Variants in ADAMTSL1 observed in about 807,000 individuals in gnomAD.
The protein encoded by ADAMTSL1 is ADAMTS like 1.
In ADAMTSL1, 126 loss-of-function variants were observed where a neutral mutation model predicts 201.8. The observed-to-expected ratio is 0.62, with a 90% CI of 0.54 to 0.72. The LOEUF is 0.72. ADAMTSL1 is among the 30% of genes least tolerant of loss of function. The pLI, the probability that ADAMTSL1 is intolerant of heterozygous loss-of-function variation, is 0.00. For synonymous variants in ADAMTSL1, 1,121 were observed against 903.4 expected, an observed-to-expected ratio of 1.24 and a Z score of -4.32; for missense variants, 2,679 against 2,277.8, an observed-to-expected ratio of 1.18 and a Z score of -3.59.
In ADAMTSL1 at chr9:18,661,959, G is replaced by C; in HGVS notation, c.971G>C (p.Cys324Ser). The change falls in exon 9 of 29, where the codon TGC (cysteine) becomes TCC (serine). Residue 324 changes from cysteine to serine, a missense_variant. Transcript: ENST00000380548. ...GGGYQLTSAE[C>S]YDLRSNRVVA... is the part of the protein sequence containing the mutation. ...GGTTATCAGCTGACATCGGCTGAGT[G>C]CTACGATCTGAGGAGCAACCGTGTG... 1 of 1,613,918 alleles carries C rather than the reference G, an allele frequency of 6.2e-7. No individual in the cohort carries two copies. Among genetic ancestry groups the C allele is most frequent in the Non-Finnish European group, 8.5e-7 (1 of 1,179,880 alleles).
chr9:17,976,699 G>C (rs955006511), intron 1 of ADAMTSL1, among the ~76,000 whole-genome samples: 1 of 146,800 alleles, frequency 6.8e-6, no homozygotes, highest in Non-Finnish European at 1.5e-5. Flanking sequence ...TCTTGCTCTC[G>C]CTCTCTCTCT....
chr9:18,721,724 T>C, intron 15 of ADAMTSL1, 59 bp downstream of exon 15: 1 of 1,575,136 alleles, frequency 6.3e-7, no homozygotes, highest in Non-Finnish European at 8.6e-7. Flanking sequence ...GGGCGCATCT[T>C]TCAGTGGGCA....
At chr9:18,876,329 T>TGTGTGTGTGTGTGCGC (rs901063156) in intron 23 of ADAMTSL1, among the ~76,000 whole-genome samples, 1 of 151,128 alleles carries the variant, frequency 6.6e-6, no homozygotes, top group African/African-American at 2.4e-5. Context: ...TGTGTGTGTG[T>TGTGTGTGTGTGTGCGC]GCGTGATTGT....
chr9:18,729,414 G>T (rs530957239), intron 15 of ADAMTSL1, among the ~76,000 whole-genome samples: 1 of 152,150 alleles, frequency 6.6e-6, no homozygotes, highest in Non-Finnish European at 1.5e-5. Context: ...AAAGAGCCAC[G>T]AGAAGTCTGC....
intron 1 of ADAMTSL1, among the ~76,000 whole-genome samples, chr9:17,954,073 A>ATC (rs58606848): frequency 0.071 from 10,770 of 152,212 alleles, 484 homozygotes; most frequent in African/African-American, 0.1. Context: ...GGCTGAGGCA[A>ATC]TCTCTGTCTC....
At chr9:17,951,311 T>A (rs181780760) in intron 1 of ADAMTSL1, among the ~76,000 whole-genome samples, 236 of 152,290 alleles carry the variant, frequency 1.5e-3, no homozygotes, top group African/African-American at 5.5e-3. Flanking sequence ...TGAATCCACA[T>A]GAGTCTGCCC....
intron 4 of ADAMTSL1, among the ~76,000 whole-genome samples, chr9:18,621,518 G>A (rs1826029324): frequency 6.7e-6 from 1 of 148,690 alleles, no homozygotes; most frequent in Non-Finnish European, 1.5e-5. Flanking sequence ...GGTCTTAGTG[G>A]TATTCATCCC....
chr9:18,000,090 C>A (rs1819551560), intron 1 of ADAMTSL1, among the ~76,000 whole-genome samples: 1 of 150,290 alleles, frequency 6.7e-6, no homozygotes, highest in Admixed American at 6.7e-5. Flanking sequence ...TTTATAGCAG[C>A]ATGATTTATA....
chr9:17,926,647 C>G (rs1196503527), intron 1 of ADAMTSL1, among the ~76,000 whole-genome samples: 1 of 152,214 alleles, frequency 6.6e-6, no homozygotes, highest in Non-Finnish European at 1.5e-5. Flanking sequence ...GGTGCTTTTG[C>G]TCACATACTA....
intron 1 of ADAMTSL1, among the ~76,000 whole-genome samples, chr9:17,919,080 C>G (rs1324437902): frequency 6.6e-6 from 1 of 151,508 alleles, no homozygotes; most frequent in African/African-American, 2.4e-5. Context: ...CCTGACTTAC[C>G]ATATTTTATT....
intron 2 of ADAMTSL1, among the ~76,000 whole-genome samples, chr9:18,338,522 C>T (rs34038594): frequency 0.084 from 12,714 of 152,136 alleles, 690 homozygotes; most frequent in East Asian, 0.22. Context: ...TCATTGCTCA[C>T]TGCAGCCTTG....
At chr9:18,647,054 C>A (rs1199510724) in intron 7 of ADAMTSL1, among the ~76,000 whole-genome samples, 3 of 152,012 alleles carry the variant, frequency 2.0e-5, no homozygotes, top group Non-Finnish European at 2.9e-5. Flanking sequence ...TTGATTATTG[C>A]CACAATTTCA....
At chr9:17,995,146 A>G (rs1019056418) in intron 1 of ADAMTSL1, among the ~76,000 whole-genome samples, 1 of 152,122 alleles carries the variant, frequency 6.6e-6, no homozygotes, top group Admixed American at 6.6e-5. Flanking sequence ...TCTTTTAGCT[A>G]CACTTTGTAT....
At chr9:18,382,485 C>A (rs922682188) in intron 2 of ADAMTSL1, among the ~76,000 whole-genome samples, 1 of 151,940 alleles carries the variant, frequency 6.6e-6, no homozygotes, top group African/African-American at 2.4e-5. Flanking sequence ...TTACGTTTTT[C>A]TTTTTTTAAT....
chr9:18,249,498 C>G (rs1043834233), intron 2 of ADAMTSL1, among the ~76,000 whole-genome samples: 2 of 152,072 alleles, frequency 1.3e-5, no homozygotes, highest in African/African-American at 4.8e-5. Flanking sequence ...GTATACTCAT[C>G]CCCAGATATA....
intron 9 of ADAMTSL1, among the ~76,000 whole-genome samples, chr9:18,668,350 C>G (rs1184306331): frequency 6.6e-6 from 1 of 152,170 alleles, no homozygotes; most frequent in Non-Finnish European, 1.5e-5. Flanking sequence ...CTTATAGATA[C>G]ACCACACATC....
At position 18,042,347 on chromosome 9, in the gene ADAMTSL1, G is replaced by A. The variant is rs1254296735; in HGVS notation, c.88-121515G>A. Among the ~76,000 whole-genome samples the A allele has an allele frequency of 3.3e-5, 5 of 152,122 alleles. No homozygotes were observed. The East Asian group carries it at 9.6e-4, about 29-fold the overall frequency. On this transcript the variant is annotated intron_variant, in intron 1 of 29. Coordinates refer to the ADAMTSL1 transcript ENST00000680146. ...AAGATCAATGAATTTATGCCTAAGA[G>A]GAAACTAAAAAAGAAATTTACTGAG...
chr9:18,754,223 C>T (rs1393475256), intron 16 of ADAMTSL1, among the ~76,000 whole-genome samples: 1 of 152,188 alleles, frequency 6.6e-6, no homozygotes, highest in African/African-American at 2.4e-5. Context: ...TGTGCTATCC[C>T]TTTACAAACA....
Position 18,504,953 on chromosome 9 carries a change from G to C in ADAMTSL1, c.188G>C (p.Ser63Thr). 2 of 1,607,570 alleles carry C rather than the reference G, an allele frequency of 1.2e-6. No homozygotes were observed. Among genetic ancestry groups the C allele is most frequent in the Non-Finnish European group, 8.5e-7 (1 of 1,178,936 alleles). ...ASYSLRRCLS[S>T]KSCEGRNIRY... ...TACTCTCTGAGGCGCTGCCTGAGCA[G>C]CAAGTAAGTCCTGCACCCGTTGGGG... The change falls in exon 2 of 29, where the codon AGC (serine) becomes ACC (threonine). Residue 63 changes from serine (S) to threonine (T), a missense_variant. Physicochemically the swap from Ser to Thr is moderately conservative, Grantham distance 58. Transcript: ENST00000380548.
Sources: gnomAD v4.1 joint callset for allele counts (sites outside exome capture counted in the v4.1 genomes callset) on GRCh38, gnomAD v4.1.1 for gene constraint, MANE v1.5 for transcripts, NCBI Gene and HGNC (gene_info 2026-07-23, HGNC 2026-07-21) for gene names.